Variants in EXT1 observed in about 807,000 individuals in gnomAD.
The protein encoded by EXT1 is exostosin-1.
Under a neutral mutation model 82.5 loss-of-function variants are expected in EXT1, and 20 were observed. The observed-to-expected ratio is 0.24, with a 90% CI of 0.17 to 0.35. The LOEUF (loss-of-function observed/expected upper bound fraction) is 0.35, where lower values mean the gene tolerates loss of function less well. EXT1 is among the 10% of genes least tolerant of loss of function. The pLI, the probability that EXT1 is intolerant of heterozygous loss-of-function variation, is 1.00. For synonymous variants in EXT1, 348 were observed against 350.8 expected (o/e 0.99, Z 0.09); for missense variants, 757 against 936.5 (o/e 0.81, Z 2.50).
At chr8:118,051,396 T>C (rs1363489339) in intron 1 of EXT1, among the ~76,000 whole-genome samples, 1 of 152,156 alleles carries the variant, frequency 6.6e-6, no homozygotes, top group African/African-American at 2.4e-5. Flanking sequence ...TAGCATATGA[T>C]TTTGAAATTT....
intron 1 of EXT1, among the ~76,000 whole-genome samples, chr8:118,014,836 C>G (rs1215413518): frequency 6.6e-6 from 1 of 152,114 alleles, no homozygotes; most frequent in Non-Finnish European, 1.5e-5. Context: ...AAGAGTTACA[C>G]AAGCAGACTC....
At chr8:118,102,283 A>G (rs1817733847) in intron 1 of EXT1, among the ~76,000 whole-genome samples, 1 of 152,014 alleles carries the variant, frequency 6.6e-6, no homozygotes, top group Admixed American at 6.6e-5. Context: ...ATAATAAACA[A>G]ATAAAATATA....
At chr8:117,978,570 T>C (rs1815116594) in intron 1 of EXT1, among the ~76,000 whole-genome samples, 1 of 151,292 alleles carries the variant, frequency 6.6e-6, no homozygotes, top group Admixed American at 6.6e-5. Context: ...TGAGGTGGAG[T>C]AGGGAAGAGA....
chr8:118,049,291 C>G (rs1289023789), intron 1 of EXT1, among the ~76,000 whole-genome samples: 1 of 152,210 alleles, frequency 6.6e-6, no homozygotes, highest in Non-Finnish European at 1.5e-5. Flanking sequence ...TCAGCATAAT[C>G]TCCAGTTTAC....
chr8:118,089,959 T>C (rs895103814), intron 1 of EXT1, among the ~76,000 whole-genome samples: 5 of 152,330 alleles, frequency 3.3e-5, no homozygotes, highest in African/African-American at 9.6e-5. Flanking sequence ...TGACTCAGAC[T>C]GGAGGCAAGG....
intron 1 of EXT1, among the ~76,000 whole-genome samples, chr8:118,047,380 C>T (rs1816639266): frequency 6.6e-6 from 1 of 152,148 alleles, no homozygotes; most frequent in South Asian, 2.1e-4. Flanking sequence ...CATAATAGTA[C>T]TTAACCCTCT....
intron 1 of EXT1, among the ~76,000 whole-genome samples, chr8:118,018,773 T>G (rs1367819331): frequency 1.3e-5 from 2 of 152,162 alleles, no homozygotes; most frequent in Non-Finnish European, 2.9e-5. Flanking sequence ...AAATTCTGAC[T>G]CACAATCCCA....
In EXT1 at chr8:117,799,758, T is replaced by C. The variant is rs1188494289; in HGVS notation, c.2195A>G (p.Gln732Arg). ...MRLDPVLFKD[Q>R]VSILRKKYRD... ...GTATTTCTTCCTCAAAATAGAGACC[T>C]GGTCTTTAAAGAGGACGGGGTCGAG... is the stretch of plus-strand genomic sequence containing the variant. The change falls in exon 11 of 11, where the codon CAG becomes CGG. Residue 732 changes from glutamine (Q) to arginine (R), a missense_variant. Physicochemically the swap from Gln to Arg is conservative, Grantham distance 43. Transcript: ENST00000378204. 3 of 1,614,056 alleles carry C rather than the reference T, an allele frequency of 1.9e-6. No homozygotes were observed. The highest frequency in any genetic ancestry group is 2.5e-6 in the Non-Finnish European group (3 of 1,180,038).
At chr8:118,001,590 C>A (rs575364577) in intron 1 of EXT1, among the ~76,000 whole-genome samples, 1 of 151,484 alleles carries the variant, frequency 6.6e-6, no homozygotes, top group Non-Finnish European at 1.5e-5. Flanking sequence ...GTGAAATGTA[C>A]AAAAATAAGA....
chr8:118,078,810 A>G (rs891440773), intron 1 of EXT1, among the ~76,000 whole-genome samples: 7 of 152,204 alleles, frequency 4.6e-5, no homozygotes, highest in African/African-American at 1.7e-4. Context: ...GCACATATGC[A>G]AAGAAAAAAA....
In EXT1 at chr8:117,835,527, T is replaced by C. The variant is rs1382345913; in HGVS notation, c.1081A>G (p.Ser361Gly). 1 of 1,614,152 alleles carries C rather than the reference T, an allele frequency of 6.2e-7. No individual in the cohort carries two copies. Among genetic ancestry groups the C allele is most frequent in the Non-Finnish European group, 8.5e-7 (1 of 1,180,000 alleles). Residue 361 changes from serine (S) to glycine (G), a missense_variant, in exon 3 of 11, where the codon AGC becomes GGC. Physicochemically the swap from Ser to Gly is moderately conservative, Grantham distance 56 (BLOSUM62 0). Coordinates refer to ENST00000378204, the MANE Select transcript of EXT1 (RefSeq NM_000127.3). Reference protein sequence around the residue: ...LQAACVPVMLSNGWELPFSEV... With the variant: ...LQAACVPVMLGNGWELPFSEV... The stretch of plus-strand genomic sequence containing the variant: ...GAGAATGGCAACTCCCATCCATTGC[T>C]GAGCATCACAGGGACGCAGGCAGCC...
intron 1 of EXT1, among the ~76,000 whole-genome samples, chr8:117,926,831 G>C (rs1366570267): frequency 1.3e-5 from 2 of 152,138 alleles, no homozygotes; most frequent in Non-Finnish European, 2.9e-5. Flanking sequence ...TTTTCCTGGA[G>C]AGTCCAGGTT....
chr8:117,880,471 AG>A (rs1426120787), intron 1 of EXT1, among the ~76,000 whole-genome samples: 1 of 152,244 alleles, frequency 6.6e-6, no homozygotes, highest in East Asian at 1.9e-4. Context: ...ATTCATCAAA[AG>A]CTAAAGATGA....
rs143418306 is a variant in EXT1, at chr8:117,916,251, C to T, written c.963-79050G>A. Among the ~76,000 whole-genome samples the T allele has an allele frequency of 9.9e-5, 15 of 152,238 alleles. No individual in the cohort carries two copies. In the East Asian group the frequency reaches 1.5e-3, roughly 16 times the overall value. ...CTTGACACCTGGGTGGTAATGGGACCGATAATTCCATGCTGCAAATGTTTC... is the reference window on the plus strand; with the variant it reads ...CTTGACACCTGGGTGGTAATGGGACTGATAATTCCATGCTGCAAATGTTTC... On this transcript the variant is annotated intron_variant, in intron 1 of 10. Coordinates refer to ENST00000378204, the MANE Select transcript of EXT1 (RefSeq NM_000127.3).
intron 1 of EXT1, among the ~76,000 whole-genome samples, chr8:117,919,708 T>C (rs112696806): frequency 2.6e-5 from 4 of 152,182 alleles, no homozygotes; most frequent in African/African-American, 9.6e-5. Context: ...TCTTGCCATG[T>C]TGTCCAAGCT....
intron 1 of EXT1, among the ~76,000 whole-genome samples, chr8:117,858,161 A>G (rs1812597934): frequency 6.6e-6 from 1 of 152,254 alleles, no homozygotes; most frequent in African/African-American, 2.4e-5. Context: ...TGTTGGAATG[A>G]TAACAAAGGA....
At chr8:117,905,594 C>T (rs1306406822) in intron 1 of EXT1, among the ~76,000 whole-genome samples, 2 of 152,238 alleles carry the variant, frequency 1.3e-5, no homozygotes, top group Non-Finnish European at 2.9e-5. Flanking sequence ...GGGTGGATCA[C>T]GAGGTCAGGA....
intron 1 of EXT1, among the ~76,000 whole-genome samples, chr8:118,074,545 G>A (rs1289991727): frequency 6.6e-6 from 1 of 151,270 alleles, no homozygotes; most frequent in Non-Finnish European, 1.5e-5. Context: ...TAGTTGCCTC[G>A]TAGGGGGCTA....
intron 4 of EXT1, among the ~76,000 whole-genome samples, chr8:117,827,476 C>A (rs1184480999): frequency 6.6e-6 from 1 of 152,014 alleles, no homozygotes; most frequent in Non-Finnish European, 1.5e-5. Context: ...AGGCCAGAAA[C>A]AACCCAAAGA....
Sources: allele counts gnomAD v4.1 joint callset (sites outside exome capture counted in the v4.1 genomes callset), GRCh38; gene constraint gnomAD v4.1.1; transcripts MANE v1.5; gene names NCBI Gene and HGNC (gene_info 2026-07-23, HGNC 2026-07-21).